MALRD1: variants seen among roughly 807,000 people sequenced by gnomAD.
MALRD1 encodes the protein MAM and LDL-receptor class A domain-containing protein 1.
In MALRD1, 247 loss-of-function variants were observed where a neutral mutation model predicts 242.1. That is an observed-to-expected ratio of 1.02 (90% CI 0.92 to 1.13). The LOEUF is 1.13. Among genes scored for constraint, MALRD1 ranks in the 50% most tolerant of loss-of-function variants. The pLI is 0.00. For synonymous variants in MALRD1, 995 were observed against 866.6 expected, an observed-to-expected ratio of 1.15 and a Z score of -2.60; for missense variants, 2,989 against 2,533.1, an observed-to-expected ratio of 1.18 and a Z score of -3.86.
At chr10:19,360,032 C>T (rs751665510) in intron 26 of MALRD1, among the ~76,000 whole-genome samples, 65 of 151,832 alleles carry the variant, frequency 4.3e-4, no homozygotes, top group African/African-American at 1.5e-3. Flanking sequence ...TATAATTATC[C>T]CCATTTACAT....
At chr10:19,197,662 G>C (rs1836324350) in intron 14 of MALRD1, among the ~76,000 whole-genome samples, 1 of 152,090 alleles carries the variant, frequency 6.6e-6, no homozygotes, top group Non-Finnish European at 1.5e-5. Flanking sequence ...CATTTACCCA[G>C]TTGCCAACTT....
intron 36 of MALRD1, among the ~76,000 whole-genome samples, chr10:19,630,406 A>G (rs1408529227): frequency 6.6e-6 from 1 of 152,160 alleles, no homozygotes; most frequent in Non-Finnish European, 1.5e-5. Flanking sequence ...AATTTTGAGG[A>G]CTAAGGTAGC....
intron 34 of MALRD1, among the ~76,000 whole-genome samples, chr10:19,601,701 G>A (rs944039401): frequency 3.3e-5 from 5 of 151,858 alleles, no homozygotes; most frequent in Non-Finnish European, 7.4e-5. Context: ...TTATAAATTA[G>A]AGCTCTTTAT....
At chr10:19,175,830 A>G (rs1835208935) in intron 14 of MALRD1, among the ~76,000 whole-genome samples, 1 of 152,170 alleles carries the variant, frequency 6.6e-6, no homozygotes, top group Non-Finnish European at 1.5e-5. Flanking sequence ...ATATTTTCAG[A>G]TCACAGATGG....
chr10:19,072,680 G>C (rs1182157280), intron 2 of MALRD1, among the ~76,000 whole-genome samples: 1 of 152,000 alleles, frequency 6.6e-6, no homozygotes, highest in African/African-American at 2.4e-5. Flanking sequence ...TTAGTGCCCA[G>C]TGTTCACATT....
chr10:19,282,118 G>A (rs2499067), intron 20 of MALRD1, among the ~76,000 whole-genome samples: 81,129 of 151,432 alleles, frequency 0.54, 22,370 homozygotes, highest in Admixed American at 0.69. Flanking sequence ...TATATTTTCC[G>A]ATAGTTCTAT....
chr10:19,083,565 T>C (rs1033733700), intron 2 of MALRD1, among the ~76,000 whole-genome samples: 4 of 152,018 alleles, frequency 2.6e-5, no homozygotes, highest in African/African-American at 7.2e-5. Flanking sequence ...CATTTTATAC[T>C]GAGCAAGCTA....
At chr10:19,631,376 C>A (rs1010848318) in intron 36 of MALRD1, among the ~76,000 whole-genome samples, 1 of 152,102 alleles carries the variant, frequency 6.6e-6, no homozygotes, top group Non-Finnish European at 1.5e-5. Flanking sequence ...TATCATATTT[C>A]TTTTGTCCAG....
chr10:19,722,015 G>A (rs963182512), intron 38 of MALRD1: 1 of 152,264 alleles, frequency 6.6e-6, no homozygotes, highest in Non-Finnish European at 1.5e-5. Context: ...GAGGGTGGAA[G>A]TAAGCAGAGA....
At chr10:19,510,144 T>C (rs1383251122) in intron 31 of MALRD1, among the ~76,000 whole-genome samples, 6 of 152,148 alleles carry the variant, frequency 3.9e-5, no homozygotes, top group Non-Finnish European at 7.4e-5. Flanking sequence ...TACGTAAACA[T>C]CTCAATGCCT....
At position 19,066,847 on chromosome 10, in the gene MALRD1, G is replaced by T; in HGVS notation, c.328G>T (p.Gly110Cys). 5 of 1,233,544 alleles carry T rather than the reference G, an allele frequency of 4.1e-6. No homozygotes were observed. The highest frequency in any genetic ancestry group is 5.1e-6 in the Non-Finnish European group (5 of 987,960). 76.4% of individuals were successfully genotyped at this position (1,233,544 alleles called of 1,614,324 possible). ...ATCACCTCCATTTTATGATCACAATGGTGATGTGTCTGGTAAATGCTTTAA... is the reference window on the plus strand; with the variant it reads ...ATCACCTCCATTTTATGATCACAATTGTGATGTGTCTGGTAAATGCTTTAA... ...GLSPPFYDHN[G>C]DVSAHFLSLV... The change falls in exon 2 of 40, where the codon GGT (glycine) becomes TGT (cysteine). Residue 110 changes from glycine (G) to cysteine (C), a missense_variant. Coordinates refer to ENST00000454679, the MANE Select transcript of MALRD1 (RefSeq NM_001142308.3).
At chr10:19,053,241 T>A (rs1164085685) in intron 1 of MALRD1, among the ~76,000 whole-genome samples, 2 of 152,210 alleles carry the variant, frequency 1.3e-5, no homozygotes, top group African/African-American at 4.8e-5. Context: ...GCACACGTGA[T>A]CTCTGAATTG....
intron 28 of MALRD1, among the ~76,000 whole-genome samples, chr10:19,435,172 A>C (rs1456245367): frequency 6.6e-6 from 1 of 150,944 alleles, no homozygotes; most frequent in African/African-American, 2.4e-5. Context: ...ATATATAGAG[A>C]GAGCAGCTTT....
intron 31 of MALRD1, among the ~76,000 whole-genome samples, chr10:19,520,972 A>C (rs1309900171): frequency 6.6e-6 from 1 of 152,134 alleles, no homozygotes; most frequent in Non-Finnish European, 1.5e-5. Context: ...TATTTCCAAG[A>C]ATACTTAACA....
At chr10:19,710,323 A>G (rs972114111) in intron 38 of MALRD1, 20 of 152,308 alleles carry the variant, frequency 1.3e-4, no homozygotes, top group African/African-American at 4.8e-4. Flanking sequence ...GTGCATGATG[A>G]ACCCTTTTTA....
intron 38 of MALRD1, among the ~76,000 whole-genome samples, chr10:19,717,674 T>C (rs1834452681): frequency 6.6e-6 from 1 of 152,192 alleles, no homozygotes; most frequent in South Asian, 2.1e-4. Flanking sequence ...GCCCACACTT[T>C]GAAAACCACA....
intron 33 of MALRD1, among the ~76,000 whole-genome samples, chr10:19,593,741 T>C (rs1589282534): frequency 6.6e-6 from 1 of 152,210 alleles, no homozygotes; most frequent in Admixed American, 6.5e-5. Context: ...TTTGACTTAA[T>C]GTAGACCCAA....
intron 29 of MALRD1, among the ~76,000 whole-genome samples, chr10:19,472,219 G>A (rs1030964851): frequency 8.6e-5 from 13 of 151,870 alleles, no homozygotes; most frequent in African/African-American, 1.7e-4. Context: ...ATTTACCTAC[G>A]TTGAACCAAC....
intron 14 of MALRD1, among the ~76,000 whole-genome samples, chr10:19,180,838 C>A (rs917238837): frequency 6.6e-6 from 1 of 151,956 alleles, no homozygotes; most frequent in Non-Finnish European, 1.5e-5. Flanking sequence ...GGTTAATATT[C>A]AAAATTTATG....
Sources: gnomAD v4.1 joint callset for allele counts (sites outside exome capture counted in the v4.1 genomes callset) on GRCh38, gnomAD v4.1.1 for gene constraint, MANE v1.5 for transcripts, NCBI Gene and HGNC (gene_info 2026-07-23, HGNC 2026-07-21) for gene names.